Variants in KAZN observed in about 807,000 individuals in gnomAD.
KAZN encodes the protein kazrin.
A neutral mutation model predicts 87.4 loss-of-function variants in KAZN; 40 were observed. The ratio of observed to expected loss-of-function variants is 0.46; its 90% CI spans 0.36 to 0.60. The LOEUF is 0.60. Ranked by LOEUF, KAZN falls within the 20% of genes least tolerant of loss-of-function variation. The pLI is 0.00. For synonymous variants in KAZN, 466 were observed against 458.3 expected (o/e 1.02, Z -0.22); for missense variants, 898 against 1,073.9 (o/e 0.84, Z 2.29).
chr1:14,779,663 C>A (rs1645275702), intron 1 of KAZN, among the ~76,000 whole-genome samples: 1 of 152,188 alleles, frequency 6.6e-6, no homozygotes, highest in African/African-American at 2.4e-5. Context: ...TAATTTCCTG[C>A]TGACAGGCTC....
intron 2 of KAZN, among the ~76,000 whole-genome samples, chr1:14,993,609 G>A (rs916062632): frequency 2.0e-5 from 3 of 151,946 alleles, no homozygotes; most frequent in Non-Finnish European, 2.9e-5. Flanking sequence ...CCCACTCCCC[G>A]CCGCCACCCC....
intron 2 of KAZN, among the ~76,000 whole-genome samples, chr1:14,985,917 C>G (rs1246946894): frequency 6.8e-6 from 1 of 147,382 alleles, no homozygotes; most frequent in Non-Finnish European, 1.5e-5. Context: ...GCCGGAAAAT[C>G]ACTTGAACCC....
intron 14 of KAZN, chr1:15,113,237 T>C (rs1641715584): frequency 6.6e-6 from 1 of 152,120 alleles, no homozygotes; most frequent in South Asian, 2.1e-4. Context: ...TTGGGGCTGA[T>C]ATTGCCCCCC....
At chr1:14,014,296 C>T (rs767708461) in intron 1 of KAZN, among the ~76,000 whole-genome samples, 3 of 152,168 alleles carry the variant, frequency 2.0e-5, no homozygotes, top group Non-Finnish European at 2.9e-5. Context: ...ATCTAAGTCG[C>T]CTAGACCAGG....
intron 1 of KAZN, among the ~76,000 whole-genome samples, chr1:14,038,564 C>A (rs1007293776): frequency 2.0e-5 from 3 of 152,250 alleles, no homozygotes; most frequent in African/African-American, 7.2e-5. Flanking sequence ...TGTAGGACTG[C>A]AATTGGGTCA....
At chr1:13,987,882 T>G (rs1639094440) in intron 1 of KAZN, among the ~76,000 whole-genome samples, 1 of 152,230 alleles carries the variant, frequency 6.6e-6, no homozygotes, top group African/African-American at 2.4e-5. Context: ...TTTTTTACAG[T>G]ACTGGAGGCC....
chr1:14,140,543 G>A (rs546217916), intron 1 of KAZN, among the ~76,000 whole-genome samples: 6 of 151,962 alleles, frequency 3.9e-5, no homozygotes, highest in East Asian at 1.9e-4. Flanking sequence ...CCCCCTTTTC[G>A]CTATCCCATA....
intron 1 of KAZN, among the ~76,000 whole-genome samples, chr1:14,171,716 G>A (rs1173148216): frequency 6.6e-6 from 1 of 152,134 alleles, no homozygotes; most frequent in African/African-American, 2.4e-5. Context: ...TGGCAAGGCT[G>A]TGCCCCATGA....
intron 1 of KAZN, among the ~76,000 whole-genome samples, chr1:14,849,835 T>G (rs1200984612): frequency 6.6e-6 from 1 of 152,300 alleles, no homozygotes; most frequent in East Asian, 1.9e-4. Flanking sequence ...TTTTTCCATC[T>G]TACTCACGGC....
chr1:13,907,060 A>G (rs1286525898), intron 1 of KAZN, among the ~76,000 whole-genome samples: 1 of 152,190 alleles, frequency 6.6e-6, no homozygotes, highest in African/African-American at 2.4e-5. Flanking sequence ...GAGAAAAGAA[A>G]TATCTATGTG....
chr1:13,905,462 C>T (rs1157986488), intron 1 of KAZN, among the ~76,000 whole-genome samples: 1 of 152,184 alleles, frequency 6.6e-6, no homozygotes, highest in African/African-American at 2.4e-5. Context: ...AGGGAGATCA[C>T]TCTCAACCCC....
chr1:14,476,232 C>A (rs1421552294), intron 2 of KAZN, among the ~76,000 whole-genome samples: 1 of 152,198 alleles, frequency 6.6e-6, no homozygotes, highest in Non-Finnish European at 1.5e-5. Flanking sequence ...GCATTATTTA[C>A]TGTGTTTATT....
intron 1 of KAZN, among the ~76,000 whole-genome samples, chr1:14,683,406 G>A (rs1055933192): frequency 4.6e-5 from 7 of 152,080 alleles, no homozygotes; most frequent in Admixed American, 1.3e-4. Flanking sequence ...ATTCTCCTCC[G>A]GGGGCTCCTA....
At chr1:14,482,195 G>A (rs1014713662) in intron 2 of KAZN, among the ~76,000 whole-genome samples, 1 of 152,170 alleles carries the variant, frequency 6.6e-6, no homozygotes, top group Non-Finnish European at 1.5e-5. Flanking sequence ...ACCCCCTCCC[G>A]CTAGCTGATA....
intron 1 of KAZN, among the ~76,000 whole-genome samples, chr1:13,950,419 T>A (rs1396070058): frequency 6.6e-6 from 1 of 152,216 alleles, no homozygotes; most frequent in Non-Finnish European, 1.5e-5. Context: ...AAGGACTGTG[T>A]CTGTTTCTCC....
intron 1 of KAZN, among the ~76,000 whole-genome samples, chr1:14,895,076 G>A (rs1278643609): frequency 6.6e-6 from 1 of 152,276 alleles, no homozygotes; most frequent in Non-Finnish European, 1.5e-5. Flanking sequence ...GCCTTGTGGT[G>A]ACTGAGTAGG....
intron 2 of KAZN, among the ~76,000 whole-genome samples, chr1:14,558,542 T>A (rs1384785516): frequency 6.6e-6 from 1 of 152,194 alleles, no homozygotes; most frequent in Non-Finnish European, 1.5e-5. Flanking sequence ...TACATCCAAT[T>A]TCTTATTCTT....
At chr1:14,641,560 C>T (rs1206380714) in intron 1 of KAZN, among the ~76,000 whole-genome samples, 1 of 152,120 alleles carries the variant, frequency 6.6e-6, no homozygotes, top group Non-Finnish European at 1.5e-5. Flanking sequence ...CAAGGTGGTG[C>T]TCCAGCTGTC....
rs930493137 is a variant in KAZN, at chr1:15,081,581, A to AGT, written c.1223-12590_1223-12589dup. Among the ~76,000 whole-genome samples, 2 of 145,190 alleles carry AGT rather than the reference A, an allele frequency of 1.4e-5. No homozygotes were observed. Among genetic ancestry groups the AGT allele is most frequent in the African/African-American group, 5.1e-5 (2 of 39,136 alleles). Reference sequence around the variant, plus strand: ...GACAGCGTGTGTGTGTGTGTGTGTGAGTGTGTGTGTTGGGGAGTTGTAGGG... The same window carrying AGT: ...GACAGCGTGTGTGTGTGTGTGTGTGAGTGTGTGTGTGTTGGGGAGTTGTAGGG... On this transcript the variant is annotated intron_variant, in intron 8 of 14. Coordinates refer to ENST00000376030, the MANE Select transcript of KAZN (RefSeq NM_201628.3). The surrounding 1 kb of genome is among the most constrained non-coding windows in gnomAD (Gnocchi z 4.1).
Sources: gnomAD v4.1 joint callset for allele counts (sites outside exome capture counted in the v4.1 genomes callset) on GRCh38, gnomAD v4.1.1 for gene constraint, Gnocchi (gnomAD v3.1) non-coding constraint, MANE v1.5 for transcripts, NCBI Gene and HGNC (gene_info 2026-07-23, HGNC 2026-07-21) for gene names.